TNKS: variants seen among roughly 807,000 people sequenced by gnomAD.
TNKS encodes the protein poly [ADP-ribose] polymerase tankyrase-1.
A neutral mutation model predicts 135.8 loss-of-function variants in TNKS; 72 were observed. The ratio of observed to expected loss-of-function variants is 0.53; its 90% CI spans 0.44 to 0.64. The LOEUF is 0.64. Among genes scored for constraint, TNKS ranks in the 30% least tolerant of loss-of-function variants. The pLI, the probability that TNKS is intolerant of heterozygous loss-of-function variation, is 0.00. For synonymous variants in TNKS, 849 were observed against 649.3 expected (o/e 1.31, Z -4.68); for missense variants, 1,769 against 1,674.0 (o/e 1.06, Z -0.99).
intron 12 of TNKS, 46 bp from the exon 13 acceptor site, chr8:9,726,595 T>G (rs768193545): frequency 1.4e-6 from 2 of 1,397,566 alleles, no homozygotes; most frequent in Non-Finnish European, 2.0e-6. Flanking sequence ...AGTTGGAATA[T>G]ATGAGTTTGG....
At chr8:9,764,204 G>C (rs1020257458) in intron 22 of TNKS, among the ~76,000 whole-genome samples, 1 of 152,018 alleles carries the variant, frequency 6.6e-6, no homozygotes, top group Admixed American at 6.6e-5. Flanking sequence ...TTAATTTAGA[G>C]AGTAGTCAGA....
At chr8:9,651,363 A>G (rs1412036213) in intron 3 of TNKS, among the ~76,000 whole-genome samples, 1 of 152,186 alleles carries the variant, frequency 6.6e-6, no homozygotes, top group Non-Finnish European at 1.5e-5. Flanking sequence ...AGTGATTGAC[A>G]TATGCATATG....
chr8:9,575,339 C>A, intron 1 of TNKS: 1 of 955,924 alleles, frequency 1.0e-6, no homozygotes, highest in Non-Finnish European at 1.2e-6. Flanking sequence ...CCTGCTTCGG[C>A]CTCCCTAAAT....
intron 20 of TNKS, among the ~76,000 whole-genome samples, chr8:9,755,001 T>C (rs1437050627): frequency 1.3e-5 from 2 of 152,178 alleles, no homozygotes; most frequent in Non-Finnish European, 1.5e-5. Flanking sequence ...TCTTCCCAAA[T>C]CATTTCCACA....
chr8:9,746,802 A>G (rs867693273), intron 17 of TNKS, among the ~76,000 whole-genome samples: 1 of 151,368 alleles, frequency 6.6e-6, no homozygotes, highest in African/African-American at 2.4e-5. Context: ...CGATCTGCAC[A>G]ATGTCTTTAC....
chr8:9,597,662 A>T (rs1798841991), intron 2 of TNKS, among the ~76,000 whole-genome samples: 1 of 152,192 alleles, frequency 6.6e-6, no homozygotes, highest in South Asian at 2.1e-4. Context: ...ACCAAATATT[A>T]AGTGTATGAA....
chr8:9,734,876 T>C lies in TNKS; in HGVS notation c.2325T>C (p.Asp775=), dbSNP rs148570227. The C allele has an allele frequency of 1.9e-6, 3 of 1,613,822 alleles. No homozygotes were observed. In the African/African-American group the frequency reaches 4.0e-5, roughly 22 times the overall value. ...TTTCTTCTTTGTAGCATGGAGCAGA[T>C]CCAACTAAAAAGAACAGAGATGGAA... ...ICKLLLKHGA[D]PTKKNRDGNT... is the part of the protein sequence containing the mutation. Residue 775 remains aspartate (D), a synonymous_variant, in exon 16 of 27, where the codon GAT becomes GAC. Transcript: ENST00000310430.
intron 1 of TNKS, among the ~76,000 whole-genome samples, chr8:9,576,590 G>T (rs1430819944): frequency 4.7e-5 from 7 of 150,476 alleles, no homozygotes; most frequent in African/African-American, 1.7e-4. Flanking sequence ...TAAATCTCCA[G>T]ATGTCATGAG....
chr8:9,565,652 C>G (rs1466570295), intron 1 of TNKS, among the ~76,000 whole-genome samples: 1 of 151,984 alleles, frequency 6.6e-6, no homozygotes, highest in Non-Finnish European at 1.5e-5. Flanking sequence ...GAGATGGAGG[C>G]CATCCTGGCT....
intron 13 of TNKS, among the ~76,000 whole-genome samples, chr8:9,729,699 C>T (rs1805331526): frequency 6.6e-6 from 1 of 151,638 alleles, no homozygotes; most frequent in African/African-American, 2.4e-5. Flanking sequence ...ATAAATTAAT[C>T]TCCATCCCTG....
intron 1 of TNKS, among the ~76,000 whole-genome samples, chr8:9,574,099 T>A (rs1797856544): frequency 6.6e-6 from 1 of 152,214 alleles, no homozygotes; most frequent in Non-Finnish European, 1.5e-5. Flanking sequence ...GGCTATGTGT[T>A]AGGAATTTGG....
At chr8:9,662,598 GGT>G (rs1801773774) in intron 3 of TNKS, among the ~76,000 whole-genome samples, 1 of 152,102 alleles carries the variant, frequency 6.6e-6, no homozygotes, top group African/African-American at 2.4e-5. Context: ...ACAGTTGTGT[GGT>G]GGGGATAGGG....
At chr8:9,639,518 C>G (rs1198200902) in intron 3 of TNKS, among the ~76,000 whole-genome samples, 2 of 145,154 alleles carry the variant, frequency 1.4e-5, no homozygotes, top group Non-Finnish European at 3.0e-5. Flanking sequence ...TTTATCTAAG[C>G]CTTTTTTTTT....
chr8:9,696,610 T>C (rs943827269), intron 5 of TNKS, among the ~76,000 whole-genome samples: 1 of 152,144 alleles, frequency 6.6e-6, no homozygotes, highest in Non-Finnish European at 1.5e-5. Flanking sequence ...GGTTTCAGTA[T>C]ACAAAATCCA....
At chr8:9,658,212 A>G (rs1193628945) in intron 3 of TNKS, 11 of 310,634 alleles carry the variant, frequency 3.5e-5, no homozygotes, top group African/African-American at 1.9e-4. Flanking sequence ...GGCCAGGCAG[A>G]GACGCTCCTC....
chr8:9,688,164 C>G (rs1295902285), intron 5 of TNKS, among the ~76,000 whole-genome samples: 1 of 152,114 alleles, frequency 6.6e-6, no homozygotes, highest in Non-Finnish European at 1.5e-5. Flanking sequence ...TAAAATATCT[C>G]TGTAATGATT....
At chr8:9,628,162 T>C (rs919610232) in intron 3 of TNKS, among the ~76,000 whole-genome samples, 21 of 9,046 alleles carry the variant, frequency 2.3e-3, no homozygotes, top group African/African-American at 3.0e-3. Context: ...TTTACAACAA[T>C]AAAATAAAAA....
chr8:9,664,202 C>T (rs898351361), intron 3 of TNKS, among the ~76,000 whole-genome samples: 2 of 152,118 alleles, frequency 1.3e-5, no homozygotes, highest in Non-Finnish European at 2.9e-5. Flanking sequence ...GCATCTATGT[C>T]TGGTGAGGGC....
At chr8:9,667,832 C>T (rs1291163927) in intron 3 of TNKS, among the ~76,000 whole-genome samples, 2 of 127,344 alleles carry the variant, frequency 1.6e-5, no homozygotes, top group African/African-American at 3.1e-5. Flanking sequence ...CATTTAAGCC[C>T]TTCTGGGTTT....
Sources: gnomAD v4.1 joint callset for allele counts (sites outside exome capture counted in the v4.1 genomes callset) on GRCh38, gnomAD v4.1.1 for gene constraint, MANE v1.5 for transcripts, NCBI Gene and HGNC (gene_info 2026-07-23, HGNC 2026-07-21) for gene names.